CSMD1: variants seen among roughly 807,000 people sequenced by gnomAD.
The protein encoded by CSMD1 is CUB and sushi domain-containing protein 1.
A neutral mutation model predicts 417.5 loss-of-function variants in CSMD1; 213 were observed. The observed-to-expected ratio is 0.51, with a 90% CI of 0.46 to 0.57. The LOEUF is 0.57. Among genes scored for constraint, CSMD1 ranks in the 20% least tolerant of loss-of-function variants. The pLI, the probability that CSMD1 is intolerant of heterozygous loss-of-function variation, is 0.00. For synonymous variants in CSMD1, 2,862 were observed against 1,736.8 expected (o/e 1.65, Z -16.11); for missense variants, 6,923 against 4,529.7 (o/e 1.53, Z -15.17).
intron 23 of CSMD1, among the ~76,000 whole-genome samples, chr8:3,316,855 G>C (rs773079839): frequency 3.9e-5 from 6 of 152,088 alleles, no homozygotes; most frequent in Non-Finnish European, 7.3e-5. Flanking sequence ...TCGTATTTCA[G>C]AGAGATAATC....
chr8:3,468,137 T>G (rs986929119), intron 12 of CSMD1, among the ~76,000 whole-genome samples: 1 of 152,206 alleles, frequency 6.6e-6, no homozygotes, highest in Non-Finnish European at 1.5e-5. Context: ...CATTTAAAAG[T>G]AATCAATATC....
At chr8:3,425,486 G>T (rs552579933) in intron 12 of CSMD1, among the ~76,000 whole-genome samples, 4 of 151,692 alleles carry the variant, frequency 2.6e-5, no homozygotes, top group African/African-American at 9.7e-5. Context: ...TACTTGGGAG[G>T]CTGAGGCAGG....
chr8:3,576,176 G>C (rs1448361978), intron 9 of CSMD1, among the ~76,000 whole-genome samples: 3 of 151,952 alleles, frequency 2.0e-5, no homozygotes, highest in East Asian at 3.9e-4. Context: ...ACTTAACAAG[G>C]GCTACTTTGT....
intron 5 of CSMD1, among the ~76,000 whole-genome samples, chr8:3,855,793 C>G (rs995999898): frequency 1.4e-4 from 22 of 152,158 alleles, no homozygotes; most frequent in Admixed American, 7.2e-4. Context: ...GACAAGCTTT[C>G]TGTAGAATTT....
chr8:3,640,801 G>A (rs1797267065), intron 7 of CSMD1, among the ~76,000 whole-genome samples: 1 of 152,114 alleles, frequency 6.6e-6, no homozygotes. Flanking sequence ...CGGCCTCACA[G>A]AGGGATGGAA....
intron 5 of CSMD1, among the ~76,000 whole-genome samples, chr8:3,863,137 C>A (rs532079169): frequency 6.6e-6 from 1 of 152,242 alleles, no homozygotes; most frequent in Non-Finnish European, 1.5e-5. Flanking sequence ...GTGGCTAATG[C>A]CTGTAATCCC....
At chr8:4,137,011 C>G (rs1049486067) in intron 3 of CSMD1, among the ~76,000 whole-genome samples, 10 of 152,196 alleles carry the variant, frequency 6.6e-5, no homozygotes, top group African/African-American at 2.2e-4. Context: ...AACCAAGCAG[C>G]TGTGTATTTT....
intron 1 of CSMD1, among the ~76,000 whole-genome samples, chr8:4,844,559 T>C (rs971612288): frequency 1.3e-5 from 2 of 152,178 alleles, no homozygotes; most frequent in African/African-American, 4.8e-5. Flanking sequence ...TAACCAGCCA[T>C]GAGGGGTGCA....
intron 1 of CSMD1, among the ~76,000 whole-genome samples, chr8:4,813,759 A>C (rs2117347205): frequency 6.6e-6 from 1 of 152,280 alleles, no homozygotes; most frequent in South Asian, 2.1e-4. Flanking sequence ...AAGAAAATGC[A>C]TTTTGGAGTA....
intron 17 of CSMD1, among the ~76,000 whole-genome samples, chr8:3,389,478 A>C (rs1047752863): frequency 6.6e-6 from 1 of 152,202 alleles, no homozygotes; most frequent in Non-Finnish European, 1.5e-5. Flanking sequence ...TCTGCTGAAG[A>C]AATGCACTGA....
chr8:4,425,049 G>A lies in CSMD1; in HGVS notation c.303-4984C>T, dbSNP rs747563641. On this transcript the variant is annotated intron_variant, in intron 2 of 69. Transcript: ENST00000635120. ...AAGTAAGTTGAACAAAAACTATTGA[G>A]GATAATTTAGTAATTGCCCATCTTG... Among the ~76,000 whole-genome samples the A allele has an allele frequency of 2.6e-5, 4 of 151,982 alleles. No individual in the cohort carries two copies. In the East Asian group the frequency reaches 5.8e-4, roughly 22 times the overall value.
chr8:3,706,774 C>A (rs1047433311), intron 7 of CSMD1, among the ~76,000 whole-genome samples: 22 of 147,914 alleles, frequency 1.5e-4, no homozygotes, highest in Non-Finnish European at 2.9e-4. Context: ...CATTTTCAAA[C>A]TACTGTAAAT....
intron 65 of CSMD1, among the ~76,000 whole-genome samples, chr8:2,953,910 C>G (rs960058179): frequency 6.6e-6 from 1 of 152,220 alleles, no homozygotes; most frequent in Non-Finnish European, 1.5e-5. Context: ...TTATAAGGCT[C>G]TCCATTATAC....
At chr8:3,660,646 G>C (rs988088633) in intron 7 of CSMD1, among the ~76,000 whole-genome samples, 1 of 151,204 alleles carries the variant, frequency 6.6e-6, no homozygotes, top group African/African-American at 2.4e-5. Flanking sequence ...TCAGCCTCCT[G>C]AGTAGCTGGG....
chr8:2,949,610 C>T (rs1041507419), intron 67 of CSMD1, among the ~76,000 whole-genome samples: 1 of 152,134 alleles, frequency 6.6e-6, no homozygotes, highest in Non-Finnish European at 1.5e-5. Flanking sequence ...CTCACAATCT[C>T]ATTTTGATCT....
chr8:3,970,544 C>G (rs948216185), intron 5 of CSMD1, among the ~76,000 whole-genome samples: 1 of 152,074 alleles, frequency 6.6e-6, no homozygotes, highest in African/African-American at 2.4e-5. Flanking sequence ...ACCCTGAAGC[C>G]AGATCTTAGT....
At chr8:4,872,248 C>A (rs900257057) in intron 1 of CSMD1, among the ~76,000 whole-genome samples, 3 of 152,018 alleles carry the variant, frequency 2.0e-5, no homozygotes, top group African/African-American at 7.3e-5. Context: ...CTTCCTTTTT[C>A]TCTGTGTGTG....
At chr8:3,181,578 A>T (rs1821329563) in intron 36 of CSMD1, among the ~76,000 whole-genome samples, 1 of 152,118 alleles carries the variant, frequency 6.6e-6, no homozygotes, top group Non-Finnish European at 1.5e-5. Context: ...AGCCAAGAGT[A>T]ATGAGGGTTG....
chr8:4,892,842 T>A (rs1804216009), intron 1 of CSMD1, among the ~76,000 whole-genome samples: 1 of 152,138 alleles, frequency 6.6e-6, no homozygotes, highest in Non-Finnish European at 1.5e-5. Context: ...TAAACACACC[T>A]TAATTTATTT....
Sources: allele counts gnomAD v4.1 joint callset (sites outside exome capture counted in the v4.1 genomes callset), GRCh38; gene constraint gnomAD v4.1.1; transcripts MANE v1.5; gene names NCBI Gene and HGNC (gene_info 2026-07-23, HGNC 2026-07-21).